The following BTN3A1 variants were observed in gnomAD, a reference collection of about 807,000 sequenced individuals.
BTN3A1 encodes dJ45P21.3 (butyrophilin, subfamily 3, member A1).
Under a neutral mutation model 43.0 loss-of-function variants are expected in BTN3A1, and 24 were observed. That is an observed-to-expected ratio of 0.56 (90% CI 0.40 to 0.78). BTN3A1 has a LOEUF of 0.78. Among genes scored for constraint, BTN3A1 ranks in the 30% least tolerant of loss-of-function variants. The pLI is 0.00. For missense variants in BTN3A1, 533 were observed against 626.2 expected (o/e 0.85, Z 1.59); for synonymous variants, 181 against 234.7 (o/e 0.77, Z 2.09).
intron 8 of BTN3A1, 29 bp downstream of exon 8, chr6:26,411,164 G>A: frequency 4.4e-6 from 7 of 1,606,002 alleles, no homozygotes; most frequent in South Asian, 2.2e-5. Context: ...CTCTGAGTTT[G>A]CTGGGACACG....
Position 26,413,554 on chromosome 6 carries a change from T to C in BTN3A1, c.1404T>C (p.Thr468=). The change falls in exon 10 of 10, where the codon ACT becomes ACC. Residue 468 remains threonine, a synonymous_variant. Coordinates refer to ENST00000289361, the MANE Select transcript of BTN3A1 (RefSeq NM_007048.6). The part of the protein sequence containing the change: ...KKVGVFLDYE[T]GDISFYNAVD... ...TGGGGGTCTTCCTGGACTATGAGAC[T>C]GGAGATATCTCATTCTACAATGCTG... 2 of 1,614,184 alleles carry C rather than the reference T, an allele frequency of 1.2e-6. No individual in the cohort carries two copies. Among genetic ancestry groups the C allele is most frequent in the East Asian group, 4.5e-5 (2 of 44,884 alleles).
chr6:26,405,726 C>G (rs1384136311), intron 2 of BTN3A1, 78 bp downstream of exon 2: 1 of 1,588,978 alleles, frequency 6.3e-7, no homozygotes, highest in Non-Finnish European at 8.6e-7. Context: ...GACTCCTTCC[C>G]AAACCTGAAG....
Position 26,409,909 on chromosome 6 carries a change from A to G in BTN3A1, c.932A>G (p.Glu311Gly). 1 of 1,614,140 alleles carries G rather than the reference A, an allele frequency of 6.2e-7. No individual in the cohort carries two copies. The part of the protein sequence containing the change: ...EQSTRVKLLE[E>G]LRWRSIQYAS... ...TATTTTCCAGTGAAGCTCCTGGAGG[A>G]ACTCAGTAAGTTCCCATTCCCCCAG... is the stretch of plus-strand genomic sequence containing the variant. The change falls in exon 6 of 10, where the codon GAA becomes GGA. Residue 311 changes from glutamate to glycine, a missense_variant. Physicochemically the swap from Glu to Gly is moderately conservative, Grantham distance 98. This residue lies in a region of BTN3A1 where 415 missense variants were observed against 427.0 expected (regional missense o/e 0.97). Transcript: ENST00000289361.
chr6:26,413,627 G>T lies in BTN3A1; in HGVS notation c.1477G>T (p.Ala493Ser), dbSNP rs1047653428. 6.2e-7 allele frequency: 1 copy of T among 1,614,130 alleles called. No homozygotes were observed. The highest frequency in any genetic ancestry group is 2.2e-5 in the East Asian group (1 of 44,888). Residue 493 changes from alanine (A) to serine (S), a missense_variant, in exon 10 of 10, where the codon GCT (alanine) becomes TCT (serine). Physicochemically the swap from Ala to Ser is moderately conservative, Grantham distance 99 (BLOSUM62 1). Transcript: ENST00000289361. ...HTFLDVSFSE[A>S]LYPVFRILTL... ...TTTCCTGGACGTCTCCTTCTCTGAG[G>T]CTCTATATCCTGTTTTCAGAATTTT...
intron 7 of BTN3A1, among the ~76,000 whole-genome samples, chr6:26,410,789 G>A (rs999689611): frequency 2.7e-5 from 4 of 148,900 alleles, no homozygotes; most frequent in Non-Finnish European, 5.9e-5. Context: ...ATATATATAT[G>A]TGTATATATA....
At chr6:26,406,595 T>C (rs1168347520) in intron 3 of BTN3A1, among the ~76,000 whole-genome samples, 3 of 152,236 alleles carry the variant, frequency 2.0e-5, no homozygotes, top group African/African-American at 4.8e-5. Flanking sequence ...ATGGCTTCTG[T>C]GGCTCCACTA....
At position 26,408,008 on chromosome 6, in the gene BTN3A1, G is replaced by A. The variant is rs544451736; in HGVS notation, c.715+56G>A. On this transcript the variant is annotated intron_variant, in intron 4 of 9. Transcript: ENST00000289361. ...AGCTGGGCTGTGGCAGTTGAATGAA[G>A]GGGGAGGTGTTAGTGTCTGCAGTCA... 1.9e-6 allele frequency: 3 copies of A among 1,598,722 alleles called. No individual in the cohort carries two copies. The African/African-American group carries it at 4.0e-5, about 21-fold the overall frequency.
intron 2 of BTN3A1, 41 bp from the exon 3 acceptor site, chr6:26,405,868 C>T: frequency 1.2e-6 from 2 of 1,613,254 alleles, no homozygotes; most frequent in Non-Finnish European, 1.7e-6. Flanking sequence ...ATGACCCCAA[C>T]TCCAAAACCC....
At position 26,409,611 on chromosome 6, in the gene BTN3A1, G is replaced by T. The variant is rs370086892; in HGVS notation, c.794G>T (p.Gly265Val). 3 of 1,611,932 alleles carry T rather than the reference G, an allele frequency of 1.9e-6. No individual in the cohort carries two copies. In the African/African-American group the frequency reaches 4.0e-5, roughly 22 times the overall value. The change falls in exon 5 of 10, where the codon GGA (glycine) becomes GTA (valine). Residue 265 changes from glycine (G) to valine (V), a missense_variant. Physicochemically the swap from Gly to Val is moderately radical, Grantham distance 109. Coordinates refer to ENST00000289361, the MANE Select transcript of BTN3A1 (RefSeq NM_007048.6). ...CCTGTCTTGCTGCTGCTTCTTGGGG[G>T]AGCCGGTTACTTCCTGTGGCAACAG... ...TLPVLLLLLG[G>V]AGYFLWQQQE... is the part of the protein sequence containing the mutation.
chr6:26,405,176 C>T (rs1761969869), intron 1 of BTN3A1, among the ~76,000 whole-genome samples, 196 bp from the exon 2 acceptor site: 3 of 152,142 alleles, frequency 2.0e-5, no homozygotes, highest in Non-Finnish European at 4.4e-5. Context: ...TGTGGGACAC[C>T]CACAGCGGTC....
intron 1 of BTN3A1, chr6:26,404,544 A>G (rs1761949556): frequency 6.6e-6 from 1 of 152,170 alleles, no homozygotes; most frequent in Admixed American, 6.5e-5. Context: ...ATCTAGGTTC[A>G]TGACAACAAA....
At chr6:26,409,966 A>T (rs1263032294) in intron 6 of BTN3A1, 40 bp from the exon 7 acceptor site, 4 of 1,614,006 alleles carry the variant, frequency 2.5e-6, no homozygotes, top group Non-Finnish European at 3.4e-6. Flanking sequence ...TCCCTGCTTT[A>T]TGCGCCTTGA....
chr6:26,413,810 G>C lies in BTN3A1; in HGVS notation c.*118G>C, dbSNP rs555183935. ...CCTCAGGCTGAAGTAACTTTTCTCTGCTTCTCCCTGCCCAGCTCAGAGCTG... is the reference window on the plus strand; with the variant it reads ...CCTCAGGCTGAAGTAACTTTTCTCTCCTTCTCCCTGCCCAGCTCAGAGCTG... On this transcript the variant is annotated 3_prime_UTR_variant, in exon 10 of 10. Coordinates refer to ENST00000289361, the MANE Select transcript of BTN3A1 (RefSeq NM_007048.6). 140 of 1,588,158 alleles carry C rather than the reference G, an allele frequency of 8.8e-5. No homozygotes were observed. Among genetic ancestry groups the C allele is most frequent in the Non-Finnish European group, 5.2e-5 (61 of 1,170,772 alleles).
chr6:26,412,774 A>C (rs1762262927), intron 9 of BTN3A1: 1 of 1,551,378 alleles, frequency 6.4e-7, no homozygotes, highest in Admixed American at 2.0e-5. Flanking sequence ...TAGACTGCAG[A>C]AAAGGGGAAC....
intron 7 of BTN3A1, among the ~76,000 whole-genome samples, chr6:26,410,666 G>A (rs1173049854): frequency 2.6e-5 from 4 of 151,162 alleles, no homozygotes; most frequent in Non-Finnish European, 4.4e-5. Context: ...AGTAAGGTAC[G>A]AAATTAGATT....
rs1762138130 is a variant in BTN3A1 at position 26,409,628 on chromosome 6, T to C, written c.811T>C (p.Trp271Arg). 1 of 1,607,406 alleles carries C rather than the reference T, an allele frequency of 6.2e-7. No individual in the cohort carries two copies. Among genetic ancestry groups the C allele is most frequent in the Non-Finnish European group, 8.5e-7 (1 of 1,178,286 alleles). ...TCTTGGGGGAGCCGGTTACTTCCTG[T>C]GGCAACAGCAGGAGGAAAAAAAGAC... Reference protein sequence around the residue: ...LLLGGAGYFLWQQQEEKKTQF... With the variant: ...LLLGGAGYFLRQQQEEKKTQF... The change falls in exon 5 of 10, where the codon TGG becomes CGG. Residue 271 changes from tryptophan to arginine, a missense_variant. Trp to Arg is a moderately radical substitution (Grantham distance 101, BLOSUM62 -3). Around this residue, in one of 4 missense-constraint regions of BTN3A1, gnomAD observed 415 missense variants for 427.0 expected, o/e 0.97. Transcript: ENST00000289361.
intron 1 of BTN3A1, among the ~76,000 whole-genome samples, chr6:26,403,143 G>A (rs1034914797): frequency 6.6e-6 from 1 of 152,144 alleles, no homozygotes; most frequent in Non-Finnish European, 1.5e-5. Context: ...TCGGCTTACT[G>A]CAGCCTCTGC....
In BTN3A1 at chr6:26,407,542, C is replaced by A. The variant is rs937277622; in HGVS notation, c.434-129C>A. 32 of 1,209,394 alleles carry A rather than the reference C, an allele frequency of 2.6e-5. No individual in the cohort carries two copies. In the East Asian group the frequency reaches 7.4e-4, roughly 28 times the overall value. 74.9% of individuals were successfully genotyped at this position (1,209,394 alleles called of 1,614,324 possible). ...CATGTAGCTTTCTCCTCACTAGGAC[C>A]ACACTTTTGTAAGCAGCTCTAAAAT... On this transcript the variant is annotated intron_variant, in intron 3 of 9. Coordinates refer to ENST00000289361, the MANE Select transcript of BTN3A1 (RefSeq NM_007048.6).
At chr6:26,410,212 G>T (rs574164314) in intron 7 of BTN3A1, among the ~76,000 whole-genome samples, 180 bp downstream of exon 7, 3 of 151,462 alleles carry the variant, frequency 2.0e-5, no homozygotes, top group Non-Finnish European at 2.9e-5. Context: ...AAAGGAAAGA[G>T]AAGAAAGGAA....
Sources: gnomAD v4.1 joint callset for allele counts (sites outside exome capture counted in the v4.1 genomes callset) on GRCh38, gnomAD v4.1.1 for gene constraint, gnomAD v4.1.1 regional missense constraint, MANE v1.5 for transcripts, NCBI Gene and HGNC (gene_info 2026-07-23, HGNC 2026-07-21) for gene names.